Variants in DKK4 observed in about 807,000 individuals in gnomAD.
DKK4 encodes the protein dickkopf-related protein 4.
In DKK4, 15 loss-of-function variants were observed where a neutral mutation model predicts 14.5. That is an observed-to-expected ratio of 1.03 (90% CI 0.69 to 1.59). The LOEUF is 1.59. Among genes scored for constraint, DKK4 ranks in the 40% most tolerant of loss-of-function variants. DKK4 has a pLI of 0.00. For missense variants in DKK4, 272 were observed against 280.3 expected (o/e 0.97, Z 0.21); for synonymous variants, 89 against 105.2 (o/e 0.85, Z 0.94).
the DKK4 span, among the ~76,000 whole-genome samples, chr8:42,387,218 T>A: frequency 6.6e-6 from 1 of 152,060 alleles, no homozygotes; most frequent in Non-Finnish European, 1.5e-5. Context: ...GGTATTGGTA[T>A]CAGGATTTGG....
the DKK4 span, among the ~76,000 whole-genome samples, chr8:42,384,740 A>G: frequency 6.6e-6 from 1 of 152,176 alleles, no homozygotes; most frequent in Non-Finnish European, 1.5e-5. Flanking sequence ...CAGGCCCACA[A>G]CGAGGGGGCT....
upstream of DKK4, among the ~76,000 whole-genome samples, chr8:42,381,749 G>A (rs977079991): frequency 3.3e-5 from 5 of 152,210 alleles, no homozygotes; most frequent in African/African-American, 9.7e-5. Context: ...TGTAATCCAA[G>A]CACTTTGGGA....
upstream of DKK4, among the ~76,000 whole-genome samples, chr8:42,378,687 G>C (rs1178667777): frequency 6.6e-6 from 1 of 152,002 alleles, no homozygotes; most frequent in Non-Finnish European, 1.5e-5. Flanking sequence ...GTTACCAAAG[G>C]CCCCTGGCAA....
upstream of DKK4, among the ~76,000 whole-genome samples, chr8:42,379,774 T>G (rs1585937253): frequency 6.6e-6 from 1 of 151,988 alleles, no homozygotes; most frequent in African/African-American, 2.4e-5. Flanking sequence ...TGCACTCAGG[T>G]GCTAGTGAGA....
upstream of DKK4, among the ~76,000 whole-genome samples, chr8:42,379,676 G>T (rs1469492726): frequency 6.6e-6 from 1 of 152,092 alleles, no homozygotes; most frequent in Admixed American, 6.6e-5. Context: ...GCTGAATTTT[G>T]TTGGTTGCAT....
chr8:42,387,149 G>T, the DKK4 span, among the ~76,000 whole-genome samples: 3 of 152,282 alleles, frequency 2.0e-5, no homozygotes, highest in South Asian at 6.2e-4. Context: ...GGAAGGCATT[G>T]AGAGTCCCTT....
chr8:42,380,029 C>G (rs1389119985), upstream of DKK4, among the ~76,000 whole-genome samples: 2 of 152,112 alleles, frequency 1.3e-5, no homozygotes, highest in Non-Finnish European at 2.9e-5. Flanking sequence ...TAGCAAGACC[C>G]TGTCTCCACA....
upstream of DKK4, among the ~76,000 whole-genome samples, chr8:42,379,513 C>T (rs1476426766): frequency 1.4e-5 from 2 of 148,074 alleles, no homozygotes; most frequent in Admixed American, 6.7e-5. Context: ...AAGACATGTA[C>T]ATATGGATGA....
chr8:42,374,479 G>C lies in DKK4; in HGVS notation c.416-120C>G. 4 of 1,339,560 alleles carry C rather than the reference G, an allele frequency of 3.0e-6. No homozygotes were observed. In the South Asian group the frequency reaches 5.1e-5, roughly 17 times the overall value. The allele number at this position is 1,339,560 out of a possible 1,614,324, so 83.0% of individuals were successfully genotyped here. On this transcript the variant is annotated intron_variant, in intron 3 of 3. Coordinates refer to ENST00000220812, the MANE Select transcript of DKK4 (RefSeq NM_014420.3). ...CAGCCACAAAGTAAAAACAGACACAGCACGCAGGTCTCACAGAGCTAGGTG... is the reference window on the plus strand; with the variant it reads ...CAGCCACAAAGTAAAAACAGACACACCACGCAGGTCTCACAGAGCTAGGTG...
At chr8:42,383,340 T>C in the DKK4 span, among the ~76,000 whole-genome samples, 1 of 152,242 alleles carries the variant, frequency 6.6e-6, no homozygotes, top group Non-Finnish European at 1.5e-5. Context: ...TGGCAGGTCA[T>C]GTCACACTCA....
At chr8:42,385,704 A>C in the DKK4 span, among the ~76,000 whole-genome samples, 2,286 of 152,068 alleles carry the variant, frequency 0.015, 24 homozygotes, top group Middle Eastern at 0.027. Flanking sequence ...AGCATTTCCC[A>C]ATTTCTGGTG....
chr8:42,374,480 C>T, intron 3 of DKK4, 121 bp from the exon 4 acceptor site: 6 of 1,335,128 alleles, frequency 4.5e-6, no homozygotes, highest in Non-Finnish European at 1.0e-6. Context: ...ACAGACACAG[C>T]ACGCAGGTCT....
the DKK4 span, among the ~76,000 whole-genome samples, chr8:42,388,672 G>A: frequency 2.0e-5 from 3 of 151,944 alleles, no homozygotes; most frequent in Admixed American, 1.3e-4. Flanking sequence ...CCAGGTTCAA[G>A]TGATTCTCCT....
the DKK4 span, among the ~76,000 whole-genome samples, chr8:42,390,288 G>T: frequency 2.1e-5 from 3 of 142,954 alleles, no homozygotes; most frequent in African/African-American, 7.7e-5. Flanking sequence ...AGCTGGTTTT[G>T]TTTGTTTGGT....
At chr8:42,380,677 A>G (rs190999217), upstream of DKK4, among the ~76,000 whole-genome samples, 2 of 147,620 alleles carry the variant, frequency 1.4e-5, no homozygotes, top group Admixed American at 6.7e-5. Flanking sequence ...GAAGAAAGAG[A>G]AAGAAAAGAA....
chr8:42,390,564 T>C, the DKK4 span, among the ~76,000 whole-genome samples: 2 of 150,934 alleles, frequency 1.3e-5, no homozygotes, highest in South Asian at 4.2e-4. Flanking sequence ...GGGGTTTCAC[T>C]GTGTTAGCCA....
At chr8:42,387,541 G>A in the DKK4 span, among the ~76,000 whole-genome samples, 2 of 151,878 alleles carry the variant, frequency 1.3e-5, no homozygotes, top group Non-Finnish European at 2.9e-5. Flanking sequence ...TGTATTTTTA[G>A]TAGAGACAGG....
At chr8:42,375,893 T>C in intron 1 of DKK4, 63 bp from the exon 2 acceptor site, 3 of 1,581,558 alleles carry the variant, frequency 1.9e-6, no homozygotes, top group East Asian at 4.6e-5. Context: ...GATGACTTAT[T>C]ATTGAAGGCA....
chr8:42,380,953 GAA>G (rs1055655211), upstream of DKK4, among the ~76,000 whole-genome samples: 12 of 152,118 alleles, frequency 7.9e-5, no homozygotes, highest in African/African-American at 2.6e-4. Context: ...ACAAACGAAA[GAA>G]AGAGAAAGAA....
Sources: allele counts gnomAD v4.1 joint callset (sites outside exome capture counted in the v4.1 genomes callset), GRCh38; gene constraint gnomAD v4.1.1; transcripts MANE v1.5; gene names NCBI Gene and HGNC (gene_info 2026-07-23, HGNC 2026-07-21).